Variants in HAX1 observed in about 807,000 individuals in gnomAD.
The protein encoded by HAX1 is HCLS1-associated protein X-1.
Under a neutral mutation model 31.1 loss-of-function variants are expected in HAX1, and 27 were observed. The ratio of observed to expected loss-of-function variants is 0.87; its 90% confidence interval spans 0.64 to 1.20. The LOEUF is 1.20. Ranked by LOEUF, HAX1 falls within the 50% of genes most tolerant of loss-of-function variation. The pLI, the probability that HAX1 is intolerant of heterozygous loss-of-function variation, is 0.00. For missense variants in HAX1, 357 were observed against 361.6 expected (o/e 0.99, Z 0.10); for synonymous variants, 114 against 124.1 (o/e 0.92, Z 0.54).
chr1:154,273,250 C>T, intron 1 of HAX1, 86 bp from the exon 2 acceptor site: 2 of 1,566,552 alleles, frequency 1.3e-6, no homozygotes, highest in South Asian at 1.1e-5. Context: ...AGACCCCTTG[C>T]TCTTGTCCCA....
intron 3 of HAX1, 111 bp from the exon 4 acceptor site, chr1:154,274,839 T>C: frequency 1.3e-6 from 1 of 763,294 alleles, no homozygotes; most frequent in Middle Eastern, 3.4e-4. Context: ...CTGAATGGAA[T>C]TATCTCTTCT....
chr1:154,273,014 G>A lies in HAX1; in HGVS notation c.53+238G>A, dbSNP rs991913137. The A allele has an allele frequency of 1.8e-4, 110 of 613,542 alleles. No individual in the cohort carries two copies. The African/African-American group carries it at 1.9e-3, about 10-fold the overall frequency. 38.0% of individuals were successfully genotyped at this position (613,542 alleles called of 1,614,324 possible). On this transcript the variant is annotated intron_variant, in intron 1 of 6. Transcript: ENST00000328703. ...ATGCAACAGGGACCCGGGCGGGGAA[G>A]ACCGTGAGGGTCTGGGGAATAAGAC...
At chr1:154,273,059 C>G in intron 1 of HAX1, 1 of 600,590 alleles carries the variant, frequency 1.7e-6, no homozygotes, top group South Asian at 2.0e-5. Context: ...GTGAGCAGGA[C>G]CTTGGGAGAG....
In HAX1 at chr1:154,275,662, C is replaced by T; in HGVS notation, c.801C>T (p.Ile267=). 6.2e-7 allele frequency: 1 copy of T among 1,614,096 alleles called. No individual in the cohort carries two copies. Among genetic ancestry groups the T allele is most frequent in the Middle Eastern group, 1.6e-4 (1 of 6,062 alleles). ...RPPALDDAFS[I]LDLFLGRWFR... ...CAGCCCTGGATGATGCCTTTTCCAT[C>T]CTGGACTTATTCCTGGGACGTTGGT... is the stretch of plus-strand genomic sequence containing the variant. Residue 267 remains isoleucine, a synonymous_variant, in exon 7 of 7, where the codon ATC becomes ATT. Transcript: ENST00000328703.
At position 154,275,446 on chromosome 1, in the gene HAX1, A is replaced by G. The variant is rs911542597; in HGVS notation, c.717A>G (p.Thr239=). 6.2e-7 allele frequency: 1 copy of G among 1,614,214 alleles called. No homozygotes were observed. ...VVDSEGRTET[T]VTRHEADSSP... is the part of the protein sequence containing the mutation. The stretch of plus-strand genomic sequence containing the variant: ...ACAGTGAGGGCCGGACAGAGACTAC[A>G]GTAACCCGACACGAAGCAGATAGCA... Residue 239 remains threonine, a synonymous_variant, in exon 6 of 7, where the codon ACA becomes ACG. Coordinates refer to ENST00000328703, the MANE Select transcript of HAX1 (RefSeq NM_006118.4).
In HAX1 at chr1:154,273,794, G is replaced by T. The variant is rs374758765; in HGVS notation, c.337G>T (p.Glu113Ter). Residue 113 changes from glutamate to a stop codon, truncating the protein, a stop_gained, in exon 3 of 7, where the codon GAG becomes TAG. Transcript: ENST00000328703. LOFTEE classifies it high-confidence loss of function. ...TGCAGAACTTCCAGGTCCTGAGTCA[G>T]AGACACCTGGTGAGAGACTACGGGA... ...HPPELPGPESETPGERLREGQ... is the reference protein window; with the variant it reads ...HPPELPGPES The T allele has an allele frequency of 1.8e-5, 29 of 1,614,174 alleles. No homozygotes were observed. The highest frequency in any genetic ancestry group is 2.3e-5 in the Non-Finnish European group (27 of 1,180,032).
intron 4 of HAX1, 43 bp from the exon 5 acceptor site, chr1:154,275,111 T>C: frequency 6.8e-7 from 1 of 1,481,154 alleles, no homozygotes; most frequent in East Asian, 2.3e-5. Flanking sequence ...TTTTTTCCTT[T>C]GGACTCTTTC....
At position 154,273,920 on chromosome 1, in the gene HAX1, C is replaced by A. The variant is rs112815389; in HGVS notation, c.463C>A (p.Gln155Lys). The A allele has an allele frequency of 1.2e-6, 2 of 1,614,110 alleles. No homozygotes were observed. Among genetic ancestry groups the A allele is most frequent in the African/African-American group, 1.3e-5 (1 of 75,020 alleles). Reference protein sequence around the residue: ...LESDARSESPQPAPDWGSQRP... With the variant: ...LESDARSESPKPAPDWGSQRP... Reference sequence around the variant, plus strand: ...GAGTGATGCAAGAAGTGAATCCCCCCAACCAGCACCAGACTGGGGCTCCCA... The same window carrying A: ...GAGTGATGCAAGAAGTGAATCCCCCAAACCAGCACCAGACTGGGGCTCCCA... Residue 155 changes from glutamine (Q) to lysine (K), a missense_variant, in exon 3 of 7, where the codon CAA (glutamine) becomes AAA (lysine). Physicochemically the swap from Gln to Lys is moderately conservative, Grantham distance 53. Coordinates refer to ENST00000328703, the MANE Select transcript of HAX1 (RefSeq NM_006118.4).
At position 154,273,813 on chromosome 1, in the gene HAX1, T is replaced by C; in HGVS notation, c.356T>C (p.Leu119Pro). ...GPESETPGER[L>P]REGQTLRDSM... is the part of the protein sequence containing the mutation. ...GAGTCAGAGACACCTGGTGAGAGAC[T>C]ACGGGAGGGACAGACACTTCGGGAC... The change falls in exon 3 of 7, where the codon CTA becomes CCA. Residue 119 changes from leucine to proline, a missense_variant. Transcript: ENST00000328703. 1 of 1,614,086 alleles carries C rather than the reference T, an allele frequency of 6.2e-7. No individual in the cohort carries two copies. The highest frequency in any genetic ancestry group is 8.5e-7 in the Non-Finnish European group (1 of 1,179,984).
Position 154,272,995 on chromosome 1 carries a change from C to T in HAX1, c.53+219C>T, listed in dbSNP as rs1684830139. The T allele has an allele frequency of 4.8e-6, 3 of 621,210 alleles. No homozygotes were observed. The Admixed American group carries it at 8.2e-5, about 17-fold the overall frequency. The allele number at this position is 621,210 out of a possible 1,614,324, so 38.5% of individuals were successfully genotyped here. On this transcript the variant is annotated intron_variant, in intron 1 of 6. Transcript: ENST00000328703. ...CTTTCTCCAACCTGGGGTGATGCAA[C>T]AGGGACCCGGGCGGGGAAGACCGTG...
At chr1:154,273,311 G>C in intron 1 of HAX1, 25 bp from the exon 2 acceptor site, 1 of 1,613,586 alleles carries the variant, frequency 6.2e-7, no homozygotes, top group Non-Finnish European at 8.5e-7. Context: ...TGAAATATTG[G>C]TGGCCAATCT....
chr1:154,273,776 C>T lies in HAX1; in HGVS notation c.319C>T (p.Leu107Phe), dbSNP rs1684873965. The part of the protein sequence containing the change: ...AWTLPSHPPE[L>F]PGPESETPGE... Reference sequence around the variant, plus strand: ...AAACACCTGCCACCTTTCTGCAGAACTTCCAGGTCCTGAGTCAGAGACACC... The same window carrying T: ...AAACACCTGCCACCTTTCTGCAGAATTTCCAGGTCCTGAGTCAGAGACACC... The change falls in exon 3 of 7, where the codon CTT becomes TTT. Residue 107 changes from leucine to phenylalanine, a missense_variant and splice_region_variant. Coordinates refer to ENST00000328703, the MANE Select transcript of HAX1 (RefSeq NM_006118.4). 7.4e-6 allele frequency: 12 copies of T among 1,614,158 alleles called. No homozygotes were observed. The East Asian group carries it at 2.5e-4, about 33-fold the overall frequency.
chr1:154,274,941 C>T lies in HAX1; in HGVS notation c.505-9C>T, dbSNP rs779604569. 1.1e-5 allele frequency: 17 copies of T among 1,605,158 alleles called. No individual in the cohort carries two copies. The East Asian group carries it at 2.9e-4, about 27-fold the overall frequency. On this transcript the variant is annotated splice_polypyrimidine_tract_variant and intron_variant, in intron 3 of 6. Coordinates refer to ENST00000328703, the MANE Select transcript of HAX1 (RefSeq NM_006118.4). ...GGAGTCTTTTCACTTACTATGGTTTCTTCTGCAGTTTGATGATGTATGGCC... is the reference window on the plus strand; with the variant it reads ...GGAGTCTTTTCACTTACTATGGTTTTTTCTGCAGTTTGATGATGTATGGCC...
chr1:154,275,082 T>A (rs1192253989), intron 4 of HAX1, 72 bp from the exon 5 acceptor site: 7 of 1,444,438 alleles, frequency 4.8e-6, no homozygotes, highest in Non-Finnish European at 6.8e-6. Flanking sequence ...CTGAAGTTTC[T>A]TCCTGTACAC....
rs114883767 is a variant in HAX1 at position 154,273,893 on chromosome 1, G to A, written c.436G>A (p.Glu146Lys). The change falls in exon 3 of 7, where the codon GAG becomes AAG. Residue 146 changes from glutamate to lysine, a missense_variant. Physicochemically the swap from Glu to Lys is moderately conservative, Grantham distance 56. Transcript: ENST00000328703. ...HQPRIFGGVL[E>K]SDARSESPQP... ...GCCCAGGATCTTTGGGGGGGTCTTGGAGAGTGATGCAAGAAGTGAATCCCC... is the reference window on the plus strand; with the variant it reads ...GCCCAGGATCTTTGGGGGGGTCTTGAAGAGTGATGCAAGAAGTGAATCCCC... The A allele has an allele frequency of 1.2e-4, 198 of 1,614,136 alleles. No individual in the cohort carries two copies. The South Asian group carries it at 2.0e-3, about 16-fold the overall frequency.
chr1:154,274,855 AG>A (rs1217152455), intron 3 of HAX1, 94 bp from the exon 4 acceptor site: 2 of 820,254 alleles, frequency 2.4e-6, no homozygotes, highest in Non-Finnish European at 4.3e-6. Context: ...CTTCTGTGGA[AG>A]GGGGTTTTGG....
Position 154,273,503 on chromosome 1 carries a change from G to C in HAX1, c.221G>C (p.Arg74Pro). The C allele has an allele frequency of 6.2e-7, 1 of 1,614,144 alleles. No individual in the cohort carries two copies. Among genetic ancestry groups the C allele is most frequent in the Non-Finnish European group, 8.5e-7 (1 of 1,180,000 alleles). Residue 74 changes from arginine to proline, a missense_variant, in exon 2 of 7, where the codon CGT becomes CCT. Physicochemically the swap from Arg to Pro is moderately radical, Grantham distance 103. Coordinates refer to ENST00000328703, the MANE Select transcript of HAX1 (RefSeq NM_006118.4). ...GFSFSPGGGI[R>P]FHDNFGFDDL... ...AGCTTCAGCCCAGGAGGAGGGATAC[G>C]TTTCCACGATAACTTCGGCTTTGAT...
Position 154,273,781 on chromosome 1 carries a change from A to G in HAX1, c.324A>G (p.Pro108=). Residue 108 remains proline, a synonymous_variant, in exon 3 of 7, where the codon CCA becomes CCG. Transcript: ENST00000328703. ...CCTGCCACCTTTCTGCAGAACTTCC[A>G]GGTCCTGAGTCAGAGACACCTGGTG... ...WTLPSHPPEL[P]GPESETPGER... The G allele has an allele frequency of 1.9e-6, 3 of 1,614,162 alleles. No homozygotes were observed. Among genetic ancestry groups the G allele is most frequent in the Non-Finnish European group, 2.5e-6 (3 of 1,180,026 alleles).
intron 3 of HAX1, 64 bp from the exon 4 acceptor site, chr1:154,274,886 G>GT: frequency 8.2e-7 from 1 of 1,216,814 alleles, no homozygotes; most frequent in South Asian, 1.2e-5. Flanking sequence ...GTAGTTTGAG[G>GT]TCTATGACCT....
Sources: allele counts gnomAD v4.1 joint callset, GRCh38; gene constraint gnomAD v4.1.1; transcripts MANE v1.5; gene names NCBI Gene and HGNC (gene_info 2026-07-23, HGNC 2026-07-21).